The following GUCA1C variants were observed in gnomAD, a reference collection of about 807,000 sequenced individuals.
GUCA1C encodes guanylate cyclase activator 1C.
A neutral mutation model predicts 16.2 loss-of-function variants in GUCA1C; 15 were observed. The ratio of observed to expected loss-of-function variants is 0.93; its 90% CI spans 0.62 to 1.43. GUCA1C has a LOEUF of 1.43. Among genes scored for constraint, GUCA1C ranks in the 40% most tolerant of loss-of-function variants. The probability of loss-of-function intolerance (pLI) is 0.00; values close to 1 mark genes in which losing one functional copy is unlikely to be tolerated. For missense variants in GUCA1C, 275 were observed against 244.8 expected, an observed-to-expected ratio of 1.12 and a Z score of -0.82; for synonymous variants, 78 against 85.4, an observed-to-expected ratio of 0.91 and a Z score of 0.48.
In GUCA1C at chr3:108,953,554, CT is replaced by C; in HGVS notation, c.204+4del. 1 of 1,551,216 alleles carries C rather than the reference CT, an allele frequency of 6.4e-7. No homozygotes were observed. The highest frequency in any genetic ancestry group is 8.9e-7 in the Non-Finnish European group (1 of 1,123,542). ...TCAAATGAAATGAAAAATGAAAGAT[CT>C]TACCTTGTTCGTGTCAAAGGTATTA... On this transcript the variant is annotated splice_donor_region_variant and intron_variant, in intron 1 of 3. Coordinates refer to ENST00000261047, the MANE Select transcript of GUCA1C (RefSeq NM_005459.4).
chr3:108,939,193 A>C (rs1946759458), intron 1 of GUCA1C, among the ~76,000 whole-genome samples: 1 of 151,924 alleles, frequency 6.6e-6, no homozygotes, highest in South Asian at 2.1e-4. Flanking sequence ...CAAGTGTTTC[A>C]TTTCCCTTTT....
intron 1 of GUCA1C, among the ~76,000 whole-genome samples, chr3:108,937,670 C>A (rs570646779): frequency 2.0e-5 from 3 of 152,308 alleles, no homozygotes; most frequent in Non-Finnish European, 4.4e-5. Context: ...TAAGACCAGG[C>A]ACTGTGCTTT....
chr3:108,919,123 A>G (rs1000495009), intron 2 of GUCA1C, among the ~76,000 whole-genome samples: 3 of 152,046 alleles, frequency 2.0e-5, no homozygotes, highest in African/African-American at 7.2e-5. Flanking sequence ...AGAATTTGCT[A>G]TTATTGTTTT....
chr3:108,948,965 A>C (rs1946870834), intron 1 of GUCA1C, among the ~76,000 whole-genome samples: 1 of 151,626 alleles, frequency 6.6e-6, no homozygotes, highest in South Asian at 2.1e-4. Flanking sequence ...CTCTTGTCTC[A>C]GCCTCCCGAG....
chr3:108,930,031 A>G (rs533145453), intron 1 of GUCA1C, among the ~76,000 whole-genome samples: 6 of 152,314 alleles, frequency 3.9e-5, no homozygotes, highest in African/African-American at 1.4e-4. Flanking sequence ...TTCAGTTGAA[A>G]CAGAAACAAT....
intron 1 of GUCA1C, among the ~76,000 whole-genome samples, chr3:108,950,164 G>T (rs1946884015): frequency 1.3e-5 from 2 of 152,120 alleles, no homozygotes; most frequent in African/African-American, 4.8e-5. Flanking sequence ...TCTGTGTCTG[G>T]CTTATTTCAC....
At chr3:108,924,066 C>T (rs1946596276) in intron 1 of GUCA1C, among the ~76,000 whole-genome samples, 1 of 151,980 alleles carries the variant, frequency 6.6e-6, no homozygotes, top group South Asian at 2.1e-4. Flanking sequence ...CTTTAGAGTT[C>T]TTTAGGTATA....
intron 1 of GUCA1C, among the ~76,000 whole-genome samples, chr3:108,924,816 T>C (rs1320860468): frequency 6.6e-6 from 1 of 152,194 alleles, no homozygotes; most frequent in Non-Finnish European, 1.5e-5. Context: ...TGCTTGTTAT[T>C]AGTCTGTTCA....
chr3:108,910,264 C>G lies in GUCA1C; in HGVS notation c.443-2055G>C, dbSNP rs548192934. On this transcript the variant is annotated intron_variant, in intron 3 of 3. Transcript: ENST00000261047. ...CTGTAAACCCAGCACTTTGGGAGGC[C>G]AAGGTGGGCGGATCACGAGGTCAGG... 8.5e-5 allele frequency among the ~76,000 whole-genome samples: 13 copies of G among 152,222 alleles called. No homozygotes were observed. In the East Asian group the frequency reaches 2.5e-3, roughly 30 times the overall value.
intron 3 of GUCA1C, among the ~76,000 whole-genome samples, chr3:108,912,572 T>C (rs1165892560): frequency 2.6e-5 from 4 of 152,016 alleles, no homozygotes; most frequent in African/African-American, 9.7e-5. Flanking sequence ...TACAGAAAGA[T>C]GTAAAGAAAA....
intron 1 of GUCA1C, among the ~76,000 whole-genome samples, chr3:108,932,323 C>CAAAA (rs71106610): frequency 1.1e-4 from 11 of 102,036 alleles, no homozygotes; most frequent in Non-Finnish European, 1.3e-4. Context: ...GACCTCCCAC[C>CAAAA]AAAAAAAAAA....
At chr3:108,948,642 G>T (rs950075391) in intron 1 of GUCA1C, among the ~76,000 whole-genome samples, 2 of 152,056 alleles carry the variant, frequency 1.3e-5, no homozygotes, top group Admixed American at 6.6e-5. Context: ...ATTTTGGAAG[G>T]TTTTTTTCCA....
chr3:108,909,798 C>G (rs1466462288), intron 3 of GUCA1C, among the ~76,000 whole-genome samples: 1 of 151,864 alleles, frequency 6.6e-6, no homozygotes, highest in Non-Finnish European at 1.5e-5. Flanking sequence ...TTCATGTTAC[C>G]TAACCACTTA....
chr3:108,935,412 C>T (rs928740683), intron 1 of GUCA1C, among the ~76,000 whole-genome samples: 5 of 151,532 alleles, frequency 3.3e-5, no homozygotes, highest in African/African-American at 7.3e-5. Context: ...GCATAAAGGC[C>T]GGGTGCGGTG....
chr3:108,911,617 GT>G (rs1946454586), intron 3 of GUCA1C, among the ~76,000 whole-genome samples: 1 of 152,186 alleles, frequency 6.6e-6, no homozygotes, highest in Admixed American at 6.5e-5. Context: ...GCATGCAGTA[GT>G]TTCTTTTCCT....
At chr3:108,909,780 T>A (rs758252336) in intron 3 of GUCA1C, among the ~76,000 whole-genome samples, 1 of 152,166 alleles carries the variant, frequency 6.6e-6, no homozygotes, top group African/African-American at 2.4e-5. Context: ...TTCTGCTTAT[T>A]AACTTTTTTC....
chr3:108,937,767 T>A (rs958610104), intron 1 of GUCA1C, among the ~76,000 whole-genome samples: 1 of 152,164 alleles, frequency 6.6e-6, no homozygotes, highest in African/African-American at 2.4e-5. Context: ...TCTAGAGTTC[T>A]AGTAATATTA....
At chr3:108,951,453 T>A (rs1417143471) in intron 1 of GUCA1C, among the ~76,000 whole-genome samples, 2 of 152,062 alleles carry the variant, frequency 1.3e-5, no homozygotes, top group African/African-American at 4.8e-5. Flanking sequence ...AAAAATAAAG[T>A]CGAACTTATA....
intron 2 of GUCA1C, among the ~76,000 whole-genome samples, chr3:108,916,715 C>T (rs1946521644): frequency 1.3e-5 from 2 of 152,144 alleles, no homozygotes. Context: ...ATATATACAC[C>T]TTAGAAGGGC....
Sources: allele counts gnomAD v4.1 joint callset (sites outside exome capture counted in the v4.1 genomes callset), GRCh38; gene constraint gnomAD v4.1.1; transcripts MANE v1.5; gene names NCBI Gene and HGNC (gene_info 2026-07-23, HGNC 2026-07-21).